The following MGMT variants were observed in gnomAD, a reference collection of about 807,000 sequenced individuals.
The protein encoded by MGMT is O-6-methylguanine-DNA methyltransferase, also known as methylated-DNA--protein-cysteine methyltransferase.
In MGMT, 14 loss-of-function variants were observed where a neutral mutation model predicts 15.9. That is an observed-to-expected ratio of 0.88 (90% CI 0.58 to 1.37). The LOEUF (loss-of-function observed/expected upper bound fraction) is 1.37, where lower values mean the gene tolerates loss of function less well. MGMT is among the 40% of genes most tolerant of loss of function. The pLI is 0.00. For missense variants in MGMT, 282 were observed against 268.1 expected (o/e 1.05, Z -0.36); for synonymous variants, 130 against 118.2 (o/e 1.10, Z -0.65).
intron 3 of MGMT, among the ~76,000 whole-genome samples, chr10:129,718,855 T>C (rs946620978): frequency 3.3e-5 from 5 of 151,642 alleles, no homozygotes; most frequent in African/African-American, 1.2e-4. Context: ...TCTGTATGCT[T>C]GCTCAGGCAT....
intron 2 of MGMT, among the ~76,000 whole-genome samples, chr10:129,557,130 A>G (rs1043215198): frequency 8.5e-5 from 13 of 152,218 alleles, no homozygotes; most frequent in Admixed American, 1.3e-4. Context: ...ATACAATAAC[A>G]AATTACGAAG....
chr10:129,592,209 T>G (rs1001953137), intron 2 of MGMT, among the ~76,000 whole-genome samples: 1 of 152,118 alleles, frequency 6.6e-6, no homozygotes, highest in Non-Finnish European at 1.5e-5. Flanking sequence ...CACACTTGGG[T>G]TTTTGGCAGA....
intron 1 of MGMT, among the ~76,000 whole-genome samples, chr10:129,467,633 C>G (rs541683170): frequency 6.6e-6 from 1 of 152,226 alleles, no homozygotes; most frequent in African/African-American, 2.4e-5. Context: ...AGCTTTCCCT[C>G]CGCCAGCTGC....
At chr10:129,535,509 T>C (rs1018921445) in intron 1 of MGMT, among the ~76,000 whole-genome samples, 2 of 152,224 alleles carry the variant, frequency 1.3e-5, no homozygotes, top group African/African-American at 4.8e-5. Context: ...AGGTGTGTGC[T>C]ATCATACCCA....
At position 129,566,738 on chromosome 10, in the gene MGMT, C is replaced by T. The variant is rs138875500; in HGVS notation, c.125+30361C>T. Reference sequence around the variant, plus strand: ...GGTCTGGGACTTTTCTCTCGGAGGCCCCATGAAGTTGGTATTCCTCAGCTC... The same window carrying T: ...GGTCTGGGACTTTTCTCTCGGAGGCTCCATGAAGTTGGTATTCCTCAGCTC... On this transcript the variant is annotated intron_variant, in intron 2 of 4. Coordinates refer to ENST00000651593, the MANE Select transcript of MGMT (RefSeq NM_002412.5). The surrounding 1 kb of genome is among the most constrained non-coding windows in gnomAD (Gnocchi z 4.1). 6.1e-3 allele frequency among the ~76,000 whole-genome samples: 933 copies of T among 152,172 alleles called. 11 individuals carry two copies. The highest frequency in any genetic ancestry group is 0.022 in the African/African-American group (899 of 41,524).
chr10:129,477,867 G>A (rs111829581), intron 1 of MGMT, among the ~76,000 whole-genome samples: 28 of 152,330 alleles, frequency 1.8e-4, no homozygotes, highest in African/African-American at 5.8e-4. Context: ...TGGAATTTGG[G>A]GCTGAGGATA....
At chr10:129,753,162 T>A (rs919703821) in intron 3 of MGMT, among the ~76,000 whole-genome samples, 6 of 152,210 alleles carry the variant, frequency 3.9e-5, no homozygotes, top group Admixed American at 3.9e-4. Flanking sequence ...TTTTACTTCC[T>A]CTGGACTCAG....
chr10:129,744,338 A>G (rs1291469428), intron 3 of MGMT, among the ~76,000 whole-genome samples: 2 of 152,234 alleles, frequency 1.3e-5, no homozygotes, highest in Non-Finnish European at 2.9e-5. Context: ...TATGAGCTCC[A>G]TGGCATACAG....
At chr10:129,601,908 T>C (rs532627127) in intron 2 of MGMT, among the ~76,000 whole-genome samples, 2 of 152,214 alleles carry the variant, frequency 1.3e-5, no homozygotes, top group Admixed American at 6.5e-5. Context: ...GTCGCCGTGG[T>C]ACATTACAGC....
At chr10:129,558,262 C>T (rs1376186110) in intron 2 of MGMT, among the ~76,000 whole-genome samples, 1 of 152,120 alleles carries the variant, frequency 6.6e-6, no homozygotes, top group Non-Finnish European at 1.5e-5. Flanking sequence ...TGAAGGTGGT[C>T]TTTTCTAGGA....
chr10:129,647,677 C>T (rs1847412767), intron 2 of MGMT, among the ~76,000 whole-genome samples: 1 of 152,142 alleles, frequency 6.6e-6, no homozygotes, highest in Non-Finnish European at 1.5e-5. Flanking sequence ...TTTATAGGGT[C>T]TGATTTGTGT....
In MGMT at chr10:129,749,070, CA is replaced by C. The variant is rs763271058; in HGVS notation, c.275-10131del. 1.3e-4 allele frequency among the ~76,000 whole-genome samples: 20 copies of C among 152,190 alleles called. No individual in the cohort carries two copies. In the East Asian group the frequency reaches 1.3e-3, roughly 10 times the overall value. On this transcript the variant is annotated intron_variant, in intron 3 of 4. Coordinates refer to ENST00000651593, the MANE Select transcript of MGMT (RefSeq NM_002412.5). ...GAGGACGTTTTATAAGTTTATAATA[CA>C]GTCAGATTCTCTTGTCACAGTCTGT...
chr10:129,476,547 C>T (rs751127251), intron 1 of MGMT, among the ~76,000 whole-genome samples: 8 of 152,072 alleles, frequency 5.3e-5, no homozygotes, highest in East Asian at 3.9e-4. Flanking sequence ...CTGGGGGAAC[C>T]GCTGCCTGGG....
chr10:129,515,502 C>T (rs573936010), intron 1 of MGMT, among the ~76,000 whole-genome samples: 35 of 152,294 alleles, frequency 2.3e-4, no homozygotes, highest in African/African-American at 7.0e-4. Context: ...GCACATGTTT[C>T]AGCTGGCTCT....
chr10:129,598,845 T>C lies in MGMT; in HGVS notation c.125+62468T>C, dbSNP rs1039870937. Among the ~76,000 whole-genome samples, 14 of 152,198 alleles carry C rather than the reference T, an allele frequency of 9.2e-5. 1 individual carries two copies. The highest frequency in any genetic ancestry group is 9.2e-4 in the Admixed American group (14 of 15,290). ...GGATGGCGTCAGTAGCTTCTGAGCC[T>C]CTTCAGGTGCTGAACACATGCCCTG... On this transcript the variant is annotated intron_variant, in intron 2 of 4. Coordinates refer to ENST00000651593, the MANE Select transcript of MGMT (RefSeq NM_002412.5).
chr10:129,626,988 G>A (rs571115877), intron 2 of MGMT, among the ~76,000 whole-genome samples: 78 of 152,280 alleles, frequency 5.1e-4, no homozygotes, highest in African/African-American at 9.4e-4. Flanking sequence ...GGTGCTGCCC[G>A]CCTCTGAGGG....
chr10:129,692,100 T>C (rs1418523984), intron 2 of MGMT, among the ~76,000 whole-genome samples: 12 of 152,310 alleles, frequency 7.9e-5, no homozygotes, highest in African/African-American at 2.9e-4. Context: ...GCCATGATTT[T>C]TGGGACTGAA....
intron 2 of MGMT, among the ~76,000 whole-genome samples, chr10:129,539,632 G>A (rs377516961): frequency 6.6e-6 from 1 of 151,854 alleles, no homozygotes; most frequent in Non-Finnish European, 1.5e-5. Flanking sequence ...TCAGCCTCCC[G>A]AGTAGCTGAG....
At chr10:129,760,901 A>G (rs1848865184) in intron 4 of MGMT, among the ~76,000 whole-genome samples, 1 of 152,188 alleles carries the variant, frequency 6.6e-6, no homozygotes, top group Non-Finnish European at 1.5e-5. Flanking sequence ...CCTGTTGCAC[A>G]TTAATTGCAA....
Sources: allele counts gnomAD v4.1 joint callset (sites outside exome capture counted in the v4.1 genomes callset), GRCh38; gene constraint gnomAD v4.1.1; non-coding constraint Gnocchi (gnomAD v3.1); transcripts MANE v1.5; gene names NCBI Gene and HGNC (gene_info 2026-07-23, HGNC 2026-07-21).